EYS: variants seen among roughly 807,000 people sequenced by gnomAD.
EYS encodes the protein EGF-like photoreceptor maintenance factor.
EYS carries 250 observed loss-of-function variants against 282.1 expected under a neutral mutation model. The ratio of observed to expected loss-of-function variants is 0.89; its 90% confidence interval spans 0.80 to 0.98. The LOEUF (loss-of-function observed/expected upper bound fraction) is 0.98. Among genes scored for constraint, EYS ranks in the 50% least tolerant of loss-of-function variants. The pLI, the probability that EYS is intolerant of heterozygous loss-of-function variation, is 0.00. For missense variants in EYS, 4,016 were observed against 3,709.0 expected, an observed-to-expected ratio of 1.08 and a Z score of -2.15; for synonymous variants, 1,355 against 1,282.9, an observed-to-expected ratio of 1.06 and a Z score of -1.20.
In EYS at chr6:65,221,871, A is replaced by G. The variant is rs181046065; in HGVS notation, c.2023+73992T>C. On this transcript the variant is annotated intron_variant, in intron 12 of 42. Coordinates refer to ENST00000503581, the MANE Select transcript of EYS (RefSeq NM_001142800.2). ...GAGGCCATCGGAACCCACCTCTTGC[A>G]TCAGGGTGACCTAGATGGAAGAAAT... Among the ~76,000 whole-genome samples, 4 of 152,322 alleles carry G rather than the reference A, an allele frequency of 2.6e-5. No homozygotes were observed. In the East Asian group the frequency reaches 7.7e-4, roughly 29 times the overall value.
intron 12 of EYS, among the ~76,000 whole-genome samples, chr6:65,235,031 G>A (rs1041279730): frequency 6.6e-6 from 1 of 152,130 alleles, no homozygotes; most frequent in East Asian, 1.9e-4. Flanking sequence ...GGTGGGTGAA[G>A]AATATTTTAA....
At chr6:65,352,030 A>C (rs1764297158) in intron 9 of EYS, among the ~76,000 whole-genome samples, 1 of 151,840 alleles carries the variant, frequency 6.6e-6, no homozygotes, top group Non-Finnish European at 1.5e-5. Context: ...AGAGTCTCTG[A>C]AAGTTCCTTT....
intron 31 of EYS, among the ~76,000 whole-genome samples, chr6:64,108,936 C>T (rs924479471): frequency 6.6e-6 from 1 of 152,048 alleles, no homozygotes; most frequent in African/African-American, 2.4e-5. Context: ...ATGGTTACCC[C>T]CTTTTACAAA....
chr6:65,636,195 C>T (rs973095483), intron 2 of EYS, among the ~76,000 whole-genome samples: 4 of 152,212 alleles, frequency 2.6e-5, no homozygotes, highest in African/African-American at 9.7e-5. Context: ...CATTTCTCTG[C>T]GCAAAATTTT....
chr6:63,941,991 C>T (rs1765256925), intron 35 of EYS, among the ~76,000 whole-genome samples: 1 of 152,118 alleles, frequency 6.6e-6, no homozygotes, highest in Admixed American at 6.5e-5. Flanking sequence ...GTTAGCCACC[C>T]AGAGTACAAT....
At chr6:64,145,979 A>G (rs1201183070) in intron 31 of EYS, among the ~76,000 whole-genome samples, 1 of 152,156 alleles carries the variant, frequency 6.6e-6, no homozygotes, top group Non-Finnish European at 1.5e-5. Context: ...GTTTTTGTCA[A>G]GTCTTCTAAA....
chr6:63,804,613 G>C (rs894902815), intron 37 of EYS, among the ~76,000 whole-genome samples: 1 of 152,198 alleles, frequency 6.6e-6, no homozygotes, highest in Non-Finnish European at 1.5e-5. Context: ...ACTGGAAGAA[G>C]AGCTGTAGGA....
Position 65,530,853 on chromosome 6 carries a change from T to C in EYS, c.-332-34860A>G, listed in dbSNP as rs368421288. Among the ~76,000 whole-genome samples, 55 of 152,266 alleles carry C rather than the reference T, an allele frequency of 3.6e-4. 1 individual carries two copies. The East Asian group carries it at 5.2e-3, about 14-fold the overall frequency. On this transcript the variant is annotated intron_variant, in intron 2 of 42. Transcript: ENST00000503581. ...CTGCATACTTTTTGTTCCTTGTGCT[T>C]GCACTTAAAAATATGAAGTCCCATA...
intron 12 of EYS, among the ~76,000 whole-genome samples, chr6:65,294,792 A>G (rs1768618036): frequency 1.3e-5 from 2 of 151,880 alleles, no homozygotes; most frequent in African/African-American, 2.4e-5. Context: ...ATATATATCT[A>G]TTTTCTAAGA....
At chr6:65,257,799 A>G (rs1767509680) in intron 12 of EYS, among the ~76,000 whole-genome samples, 1 of 152,040 alleles carries the variant, frequency 6.6e-6, no homozygotes, top group South Asian at 2.1e-4. Context: ...AATGAAAACA[A>G]TTGAATTCAT....
At chr6:64,988,140 A>AG (rs1475619745) in intron 14 of EYS, among the ~76,000 whole-genome samples, 1 of 151,358 alleles carries the variant, frequency 6.6e-6, no homozygotes, top group African/African-American at 2.4e-5. Flanking sequence ...GCAAAAAAAA[A>AG]AGACCAGCAA....
At chr6:64,456,250 G>A (rs1775557318) in intron 26 of EYS, among the ~76,000 whole-genome samples, 1 of 152,014 alleles carries the variant, frequency 6.6e-6, no homozygotes, top group African/African-American at 2.4e-5. Flanking sequence ...TTAATGTATT[G>A]ATTAAGAATC....
chr6:65,205,817 G>A (rs973216179), intron 12 of EYS, among the ~76,000 whole-genome samples: 3 of 151,636 alleles, frequency 2.0e-5, no homozygotes, highest in Non-Finnish European at 4.4e-5. Flanking sequence ...AATTAAGGAA[G>A]AAATCCAAAA....
intron 12 of EYS, among the ~76,000 whole-genome samples, chr6:65,211,422 G>A (rs1186717409): frequency 6.6e-6 from 1 of 151,976 alleles, no homozygotes; most frequent in East Asian, 1.9e-4. Flanking sequence ...ACCATCTATT[G>A]GCATACTGTT....
chr6:64,793,080 G>A (rs1455058598), intron 22 of EYS, among the ~76,000 whole-genome samples: 5 of 151,950 alleles, frequency 3.3e-5, no homozygotes, highest in African/African-American at 1.2e-4. Flanking sequence ...CATTTGCATT[G>A]TTACTTGTCA....
At chr6:64,415,559 T>C (rs1269951564) in intron 28 of EYS, among the ~76,000 whole-genome samples, 1 of 152,192 alleles carries the variant, frequency 6.6e-6, no homozygotes, top group Non-Finnish European at 1.5e-5. Flanking sequence ...GGATGTGTTA[T>C]GAATGAGTCT....
chr6:65,689,540 T>C (rs1019168017), intron 1 of EYS, among the ~76,000 whole-genome samples: 2 of 149,910 alleles, frequency 1.3e-5, no homozygotes, highest in Admixed American at 6.7e-5. Context: ...AAATTATGTG[T>C]AAAAATTAAG....
intron 13 of EYS, among the ~76,000 whole-genome samples, chr6:65,003,416 C>T (rs9354201): frequency 0.078 from 11,462 of 147,252 alleles, 1,774 homozygotes; most frequent in East Asian, 0.17. Flanking sequence ...ATGTTATCAA[C>T]GAAATGGTGC....
At chr6:64,695,967 C>T (rs962241862) in intron 22 of EYS, among the ~76,000 whole-genome samples, 4 of 152,076 alleles carry the variant, frequency 2.6e-5, no homozygotes, top group African/African-American at 7.2e-5. Context: ...GGTACTATTA[C>T]ACCTCTAAGG....
Sources: gnomAD v4.1 joint callset for allele counts (sites outside exome capture counted in the v4.1 genomes callset) on GRCh38, gnomAD v4.1.1 for gene constraint, MANE v1.5 for transcripts, NCBI Gene and HGNC (gene_info 2026-07-23, HGNC 2026-07-21) for gene names.